Variants in CACNA1S observed in about 807,000 individuals in gnomAD.
The protein encoded by CACNA1S is calcium voltage-gated channel subunit alpha1 S, also known as voltage-dependent L-type calcium channel subunit alpha-1S.
CACNA1S carries 126 observed loss-of-function variants against 207.4 expected under a neutral mutation model. The ratio of observed to expected loss-of-function variants is 0.61; its 90% CI spans 0.53 to 0.70. The LOEUF (loss-of-function observed/expected upper bound fraction) is 0.70, where lower values mean the gene tolerates loss of function less well. Among genes scored for constraint, CACNA1S ranks in the 30% least tolerant of loss-of-function variants. The pLI is 0.00. For synonymous variants in CACNA1S, 960 were observed against 932.7 expected, an observed-to-expected ratio of 1.03 and a Z score of -0.53; for missense variants, 2,349 against 2,422.8, an observed-to-expected ratio of 0.97 and a Z score of 0.64.
At chr1:201,069,628 G>T in intron 17 of CACNA1S, 27 bp from the exon 18 acceptor site, 1 of 1,550,796 alleles carries the variant, frequency 6.4e-7, no homozygotes. Context: ...GGGAGGGCAG[G>T]GGAGCTGTGA....
intron 41 of CACNA1S, 90 bp from the exon 42 acceptor site, chr1:201,040,803 C>T: frequency 1.0e-6 from 1 of 974,432 alleles, no homozygotes; most frequent in South Asian, 1.3e-5. Context: ...TGGCTAGCCA[C>T]ACTCTGTGAG....
chr1:201,100,004 G>T (rs2102176251), intron 2 of CACNA1S, among the ~76,000 whole-genome samples: 1 of 152,136 alleles, frequency 6.6e-6, no homozygotes, highest in East Asian at 1.9e-4. Flanking sequence ...CCTTAAGAAG[G>T]GTGCAGAGGA....
chr1:201,107,230 C>T (rs898599449), intron 2 of CACNA1S, among the ~76,000 whole-genome samples: 2 of 152,224 alleles, frequency 1.3e-5, no homozygotes, highest in African/African-American at 4.8e-5. Flanking sequence ...ATGTGGGGCC[C>T]TTCTGAGTGG....
chr1:201,102,107 C>T lies in CACNA1S; in HGVS notation c.258+8057G>A, dbSNP rs192944263. Among the ~76,000 whole-genome samples, 1,270 of 152,250 alleles carry T rather than the reference C, an allele frequency of 8.3e-3. 4 individuals are homozygous for T. Among genetic ancestry groups the T allele is most frequent in the Non-Finnish European group, 0.012 (847 of 68,010 alleles). On this transcript the variant is annotated intron_variant, in intron 2 of 43. Coordinates refer to ENST00000362061, the MANE Select transcript of CACNA1S (RefSeq NM_000069.3). ...TTGTGCCTCCGAGCCCAGTGGAGGA[C>T]GAACACTGAGGTTTCTGTGGTGCTG...
intron 32 of CACNA1S, among the ~76,000 whole-genome samples, chr1:201,051,956 C>T (rs534842795): frequency 6.6e-6 from 1 of 152,306 alleles, no homozygotes; most frequent in South Asian, 2.1e-4. Context: ...GAGCCTTTGA[C>T]ACGCTGTGCC....
chr1:201,046,964 A>G (rs1660490502), intron 38 of CACNA1S, 151 bp downstream of exon 38: 4 of 1,081,898 alleles, frequency 3.7e-6, no homozygotes, highest in Non-Finnish European at 5.6e-6. Context: ...TGGACTACCC[A>G]GAACTGTCTT....
intron 2 of CACNA1S, among the ~76,000 whole-genome samples, chr1:201,106,270 G>C (rs1662881385): frequency 6.6e-6 from 1 of 151,692 alleles, no homozygotes; most frequent in Non-Finnish European, 1.5e-5. Flanking sequence ...AGCCTCCCCT[G>C]TTTCCTGCCT....
chr1:201,074,405 G>T, intron 14 of CACNA1S, 101 bp downstream of exon 14: 1 of 765,030 alleles, frequency 1.3e-6, no homozygotes. Context: ...CACCATGTCA[G>T]GGACCCTGAT....
chr1:201,074,155 G>A (rs1012343847), intron 14 of CACNA1S, among the ~76,000 whole-genome samples: 3 of 146,374 alleles, frequency 2.0e-5, no homozygotes, highest in African/African-American at 4.8e-5. Context: ...GAGCCTGTTC[G>A]ATGTAGAACT....
chr1:201,040,551 A>G, intron 42 of CACNA1S, 71 bp downstream of exon 42: 1 of 1,485,814 alleles, frequency 6.7e-7, no homozygotes, highest in South Asian at 1.1e-5. Context: ...CCCTGCCATG[A>G]TCCCACTCCA....
chr1:201,097,445 AC>A (rs34427537), intron 2 of CACNA1S, among the ~76,000 whole-genome samples: 10,921 of 151,792 alleles, frequency 0.072, 527 homozygotes, highest in Non-Finnish European at 0.11. Context: ...CCCAGCCTCC[AC>A]CTTTGCTCAT....
At chr1:201,064,264 G>A (rs1661163976) in intron 22 of CACNA1S, among the ~76,000 whole-genome samples, 2 of 152,192 alleles carry the variant, frequency 1.3e-5, no homozygotes, top group South Asian at 4.1e-4. Context: ...GGAGGGGGCT[G>A]GGGAGCAGGA....
chr1:201,086,552 C>A (rs375934956), intron 7 of CACNA1S, among the ~76,000 whole-genome samples: 2 of 152,140 alleles, frequency 1.3e-5, no homozygotes, highest in South Asian at 2.1e-4. Context: ...TACTGCATAC[C>A]GTAGGCGATT....
chr1:201,075,002 G>A (rs984930838), intron 13 of CACNA1S, among the ~76,000 whole-genome samples: 1 of 152,124 alleles, frequency 6.6e-6, no homozygotes, highest in East Asian at 1.9e-4. Context: ...GCACCAGGAC[G>A]GCTCAGGCAC....
At chr1:201,049,979 G>C (rs531493515) in intron 34 of CACNA1S, among the ~76,000 whole-genome samples, 1 of 152,282 alleles carries the variant, frequency 6.6e-6, no homozygotes, top group South Asian at 2.1e-4. Flanking sequence ...AAATGCATAC[G>C]AATGTCCCAA....
intron 10 of CACNA1S, among the ~76,000 whole-genome samples, chr1:201,080,796 T>G (rs1248448003): frequency 6.6e-6 from 1 of 152,146 alleles, no homozygotes. Context: ...AGGAAACACT[T>G]TTCCCTTCAG....
chr1:201,110,487 A>G (rs1663058767), intron 1 of CACNA1S, among the ~76,000 whole-genome samples: 1 of 152,176 alleles, frequency 6.6e-6, no homozygotes, highest in Admixed American at 6.5e-5. Flanking sequence ...CTCAGGAACA[A>G]GTCACTTTCA....
intron 5 of CACNA1S, among the ~76,000 whole-genome samples, chr1:201,091,402 G>GGC (rs1002836149): frequency 6.6e-6 from 1 of 152,124 alleles, no homozygotes; most frequent in Non-Finnish European, 1.5e-5. Context: ...TGGGGCAGGG[G>GGC]GGTGACGGTG....
chr1:201,068,211 C>T (rs1661315806), intron 19 of CACNA1S, among the ~76,000 whole-genome samples: 1 of 144,904 alleles, frequency 6.9e-6, no homozygotes, highest in South Asian at 2.3e-4. Context: ...TGACAAATCA[C>T]ACAGCTCCCC....
Sources: gnomAD v4.1 joint callset for allele counts (sites outside exome capture counted in the v4.1 genomes callset) on GRCh38, gnomAD v4.1.1 for gene constraint, MANE v1.5 for transcripts, NCBI Gene and HGNC (gene_info 2026-07-23, HGNC 2026-07-21) for gene names.